FAM107A: variants seen among roughly 807,000 people sequenced by gnomAD.
The protein encoded by FAM107A is actin-associated protein FAM107A.
In FAM107A, 19 loss-of-function variants were observed where a neutral mutation model predicts 13.7. That is an observed-to-expected ratio of 1.38 (90% CI 0.97 to 2.03). FAM107A has a LOEUF of 2.03. Ranked by LOEUF, FAM107A falls within the 30% of genes most tolerant of loss-of-function variation. The pLI is 0.00. For synonymous variants in FAM107A, 82 were observed against 74.5 expected (o/e 1.10, Z -0.52); for missense variants, 203 against 184.4 (o/e 1.10, Z -0.58).
chr3:58,587,612 A>C (rs2065622107), upstream of FAM107A, among the ~76,000 whole-genome samples: 1 of 151,926 alleles, frequency 6.6e-6, no homozygotes, highest in Non-Finnish European at 1.5e-5. Flanking sequence ...GGTGGCACTG[A>C]GAGGCAGGGT....
At position 58,610,004 on chromosome 3, in the gene FAM107A, A is replaced by T. The variant is rs146148351; in HGVS notation, c.-70+17412T>A. 3.3e-3 allele frequency among the ~76,000 whole-genome samples: 508 copies of T among 152,358 alleles called. 1 individual carries two copies. Among genetic ancestry groups the T allele is most frequent in the African/African-American group, 0.012 (493 of 41,580 alleles). ...ACATTACTGACAAGATGGCCAGCACATCATGATCATTACTAGTTGCAGATA... is the reference window on the plus strand; with the variant it reads ...ACATTACTGACAAGATGGCCAGCACTTCATGATCATTACTAGTTGCAGATA... On this transcript the variant is annotated intron_variant, in intron 1 of 3. Transcript: ENST00000465970.
intron 1 of FAM107A, among the ~76,000 whole-genome samples, chr3:58,609,872 TAGAGG>T (rs1387434028): frequency 6.6e-6 from 1 of 152,188 alleles, no homozygotes; most frequent in Non-Finnish European, 1.5e-5. Context: ...GTCTCCTCCC[TAGAGG>T]GTCGGGGCAG....
chr3:58,585,601 G>C lies in FAM107A; in HGVS notation c.79+1257C>G, dbSNP rs151258202. Reference sequence around the variant, plus strand: ...TTTGCCTCGCGCTTTTGGCTCCAGCGGTCGGCAGGCAGGCCTACGGGTGGG... The same window carrying C: ...TTTGCCTCGCGCTTTTGGCTCCAGCCGTCGGCAGGCAGGCCTACGGGTGGG... On this transcript the variant is annotated intron_variant, in intron 1 of 3. Transcript: ENST00000447756. Among the ~76,000 whole-genome samples, 960 of 152,358 alleles carry C rather than the reference G, an allele frequency of 6.3e-3. 14 individuals are homozygous for C. The highest frequency in any genetic ancestry group is 0.022 in the African/African-American group (912 of 41,588).
intron 1 of FAM107A, among the ~76,000 whole-genome samples, chr3:58,597,578 A>G (rs1030043269): frequency 6.6e-6 from 1 of 152,248 alleles, no homozygotes; most frequent in Non-Finnish European, 1.5e-5. Flanking sequence ...TGTGTCTGCA[A>G]TGCCTAGCAC....
exon 1 of FAM107A, chr3:58,587,003 C>G: frequency 6.9e-7 from 1 of 1,443,462 alleles, no homozygotes; most frequent in Non-Finnish European, 9.1e-7. Context: ...GAGCGTAGTC[C>G]GGAGCCGAAG....
At chr3:58,582,887 C>T (rs1489916904) in intron 1 of FAM107A, among the ~76,000 whole-genome samples, 1 of 152,206 alleles carries the variant, frequency 6.6e-6, no homozygotes. Context: ...CGACCTCTGC[C>T]TCCCGGGTTC....
At chr3:58,598,811 T>C (rs181930104) in intron 1 of FAM107A, among the ~76,000 whole-genome samples, 27 of 152,332 alleles carry the variant, frequency 1.8e-4, no homozygotes, top group African/African-American at 5.8e-4. Context: ...GAGATATTTC[T>C]ATGTTGGTAT....
rs537237028 is a variant in FAM107A, at chr3:58,569,032, C to T, written c.170+659G>A. ...AGCTCCCCCATCCCACCTCACCAGA[C>T]GGGCCCACCACACCTTGTGCCCCTG... On this transcript the variant is annotated intron_variant, in intron 2 of 3. Coordinates refer to ENST00000360997, the MANE Select transcript of FAM107A (RefSeq NM_001076778.3). The surrounding 1 kb of genome is among the most constrained non-coding windows in gnomAD (Gnocchi z 5.7). 4.6e-5 allele frequency among the ~76,000 whole-genome samples: 7 copies of T among 152,346 alleles called. No individual in the cohort carries two copies. The highest frequency in any genetic ancestry group is 4.1e-4 in the South Asian group (2 of 4,830).
intron 1 of FAM107A, among the ~76,000 whole-genome samples, chr3:58,592,865 C>G (rs1445879431): frequency 3.3e-5 from 5 of 152,214 alleles, no homozygotes; most frequent in African/African-American, 4.8e-5. Flanking sequence ...GGGCCCCAAT[C>G]TCATCCCAGA....
chr3:58,596,048 T>C (rs1204229848), intron 1 of FAM107A, among the ~76,000 whole-genome samples: 1 of 152,232 alleles, frequency 6.6e-6, no homozygotes, highest in Non-Finnish European at 1.5e-5. Flanking sequence ...TTGTGTAATG[T>C]ACAATATGCC....
chr3:58,614,440 G>T (rs976406772), intron 1 of FAM107A, among the ~76,000 whole-genome samples: 3 of 151,712 alleles, frequency 2.0e-5, no homozygotes, highest in Non-Finnish European at 2.9e-5. Context: ...AAGTTTAAAA[G>T]AACTCACCTA....
At chr3:58,584,535 G>A (rs894333565) in intron 1 of FAM107A, among the ~76,000 whole-genome samples, 2 of 152,092 alleles carry the variant, frequency 1.3e-5, no homozygotes, top group Admixed American at 1.3e-4. Flanking sequence ...AGTGGACCAT[G>A]GGCAAGGTGC....
At chr3:58,591,133 T>C (rs1038698020), upstream of FAM107A, among the ~76,000 whole-genome samples, 7 of 152,002 alleles carry the variant, frequency 4.6e-5, no homozygotes, top group Admixed American at 3.3e-4. The surrounding 1 kb of genome is among the most constrained non-coding windows in gnomAD (Gnocchi z 4.3). Context: ...GAGTGGGAGA[T>C]AGACAGTAAG....
In FAM107A at chr3:58,623,037, G is replaced by A. The variant is rs532414951; in HGVS notation, c.-70+4379C>T. On this transcript the variant is annotated intron_variant, in intron 1 of 3. Coordinates refer to the FAM107A transcript ENST00000465970. ...GTCCTCACACGTCACTGAGCTGGGC[G>A]CAATGAGCTGGAATCCTCTGCTGGG... Among the ~76,000 whole-genome samples, 22 of 152,236 alleles carry A rather than the reference G, an allele frequency of 1.4e-4. No homozygotes were observed. In the East Asian group the frequency reaches 2.1e-3, roughly 15 times the overall value.
intron 2 of FAM107A, 46 bp from the exon 3 acceptor site, chr3:58,567,410 C>T (rs1452474559): frequency 2.2e-5 from 35 of 1,568,902 alleles, no homozygotes; most frequent in Non-Finnish European, 2.9e-5. Context: ...CACCTTCCCG[C>T]TTCCCCCAGC....
chr3:58,617,226 A>T lies in FAM107A; in HGVS notation c.-70+10190T>A, dbSNP rs1465964578. ...GGTCTCAATGGCAGGCCTCTTCCTGAACGTGCACCACATCATACAACTCAG... is the reference window on the plus strand; with the variant it reads ...GGTCTCAATGGCAGGCCTCTTCCTGTACGTGCACCACATCATACAACTCAG... On this transcript the variant is annotated intron_variant, in intron 1 of 3. Coordinates refer to the FAM107A transcript ENST00000465970. The surrounding 1 kb of genome is among the most constrained non-coding windows in gnomAD (Gnocchi z 4.5). Among the ~76,000 whole-genome samples, 1 of 152,070 alleles carries T rather than the reference A, an allele frequency of 6.6e-6. No homozygotes were observed. Among genetic ancestry groups the T allele is most frequent in the Non-Finnish European group, 1.5e-5 (1 of 67,998 alleles).
rs149753016 is a variant in FAM107A at position 58,593,047 on chromosome 3, C to T, written c.-69-3778G>A. Among the ~76,000 whole-genome samples the T allele has an allele frequency of 6.2e-3, 945 of 152,136 alleles. 13 individuals are homozygous for T. The highest frequency in any genetic ancestry group is 0.022 in the African/African-American group (893 of 41,492). On this transcript the variant is annotated intron_variant, in intron 1 of 3. Coordinates refer to the FAM107A transcript ENST00000465970. ...CTCAAACTCTACAACCTCGGTGGAC[C>T]GGACCCCACTCAGTCATCTATAGTA...
At position 58,566,476 on chromosome 3, in the gene FAM107A, TGG is replaced by T; in HGVS notation, c.*110_*111del. 1 of 765,856 alleles carries T rather than the reference TGG, an allele frequency of 1.3e-6. No individual in the cohort carries two copies. The allele number at this position is 765,856 out of a possible 1,614,324, so 47.4% of individuals were successfully genotyped here. A position where few individuals can be genotyped will look rare whatever the true frequency, so the allele number is the denominator to read the frequency against. On this transcript the variant is annotated 3_prime_UTR_variant, in exon 4 of 4. Transcript: ENST00000360997. ...GGTGACACATTTCTACAGAAGCAGGTGGGAACATCACAGACGTCCCAGGGCCT... is the reference window on the plus strand; with the variant it reads ...GGTGACACATTTCTACAGAAGCAGGTGAACATCACAGACGTCCCAGGGCCT...
upstream of FAM107A, among the ~76,000 whole-genome samples, chr3:58,580,227 T>A (rs910811014): frequency 2.0e-5 from 3 of 151,806 alleles, no homozygotes; most frequent in African/African-American, 7.3e-5. Context: ...ATCTCTTTTT[T>A]TTTTCAAGAT....
Sources: gnomAD v4.1 joint callset for allele counts (sites outside exome capture counted in the v4.1 genomes callset) on GRCh38, gnomAD v4.1.1 for gene constraint, Gnocchi (gnomAD v3.1) non-coding constraint, MANE v1.5 for transcripts, NCBI Gene and HGNC (gene_info 2026-07-23, HGNC 2026-07-21) for gene names.